Variants in PCDHGB6 observed in about 807,000 individuals in gnomAD.
PCDHGB6 encodes the protein protocadherin gamma-B6.
PCDHGB6 carries 51 observed loss-of-function variants against 59.1 expected under a neutral mutation model. The observed-to-expected ratio is 0.86, with a 90% CI of 0.69 to 1.09. The LOEUF is 1.09. Ranked by LOEUF, PCDHGB6 falls within the 50% of genes least tolerant of loss-of-function variation. The probability of loss-of-function intolerance (pLI) is 0.00; values close to 1 mark genes in which losing one functional copy is unlikely to be tolerated. For missense variants in PCDHGB6, 1,148 were observed against 1,205.1 expected (o/e 0.95, Z 0.70); for synonymous variants, 466 against 495.1 (o/e 0.94, Z 0.78).
chr5:141,474,289 T>C (rs11956411), intron 1 of PCDHGB6, among the ~76,000 whole-genome samples: 31,178 of 152,120 alleles, frequency 0.2, 3,304 homozygotes, highest in Admixed American at 0.31. Context: ...ACCCACTAGA[T>C]CAGTGCTTGT....
intron 1 of PCDHGB6, among the ~76,000 whole-genome samples, chr5:141,462,771 G>C (rs1295560657): frequency 6.6e-6 from 1 of 152,088 alleles, no homozygotes; most frequent in Non-Finnish European, 1.5e-5. Context: ...CTGGCTTGGG[G>C]TCATAATTTG....
At chr5:141,502,953 C>G (rs145774277) in intron 2 of PCDHGB6, among the ~76,000 whole-genome samples, 1,594 of 147,762 alleles carry the variant, frequency 0.011, 24 homozygotes, top group African/African-American at 0.037. Context: ...AAGCGATTCT[C>G]CTGCCTCAGC....
At chr5:141,445,751 G>A (rs1211416281) in intron 1 of PCDHGB6, among the ~76,000 whole-genome samples, 1 of 152,102 alleles carries the variant, frequency 6.6e-6, no homozygotes, top group East Asian at 1.9e-4. Context: ...AAAAATAAAA[G>A]GTGTGACTCA....
At position 141,491,154 on chromosome 5, in the gene PCDHGB6, C is replaced by T. The variant is rs773308291; in HGVS notation, c.2419-3653C>T. ...CAGCCCGGGCCTTACTGGAGGATGACTCTGACACCCAGCAGGTGGTGGTCC... is the reference window on the plus strand; with the variant it reads ...CAGCCCGGGCCTTACTGGAGGATGATTCTGACACCCAGCAGGTGGTGGTCC... On this transcript the variant is annotated intron_variant, in intron 1 of 3. Coordinates refer to ENST00000520790, the MANE Select transcript of PCDHGB6 (RefSeq NM_018926.3). The surrounding 1 kb of genome is among the most constrained non-coding windows in gnomAD (Gnocchi z 6.9). The T allele has an allele frequency of 6.2e-7, 1 of 1,614,162 alleles. No homozygotes were observed. The highest frequency in any genetic ancestry group is 1.7e-5 in the Admixed American group (1 of 60,026).
At position 141,408,579 on chromosome 5, in the gene PCDHGB6, T is replaced by G; in HGVS notation, c.377T>G (p.Val126Gly). ...IFHVIVVIEDVNDHAPQFDKK... is the reference protein window; with the variant it reads ...IFHVIVVIEDGNDHAPQFDKK... ...CATGTCATTGTGGTGATTGAGGATG[T>G]TAATGACCACGCCCCTCAATTTGAT... The change falls in exon 1 of 4, where the codon GTT (valine) becomes GGT (glycine). Residue 126 changes from valine to glycine, a missense_variant. Physicochemically the swap from Val to Gly is moderately radical, Grantham distance 109. Transcript: ENST00000520790. 6.2e-7 allele frequency: 1 copy of G among 1,614,026 alleles called. No homozygotes were observed. The highest frequency in any genetic ancestry group is 8.5e-7 in the Non-Finnish European group (1 of 1,179,898).
intron 1 of PCDHGB6, chr5:141,423,443 C>A: frequency 6.2e-7 from 1 of 1,613,998 alleles, no homozygotes; most frequent in Non-Finnish European, 8.5e-7. Flanking sequence ...ATGCCCACGT[C>A]ACATTTTGTA....
At chr5:141,450,986 G>A (rs950903600) in intron 1 of PCDHGB6, among the ~76,000 whole-genome samples, 15 of 151,310 alleles carry the variant, frequency 9.9e-5, no homozygotes, top group Non-Finnish European at 1.3e-4. Context: ...CACCACACCC[G>A]GCTAATTTTT....
chr5:141,413,570 A>G, intron 1 of PCDHGB6: 1 of 1,613,930 alleles, frequency 6.2e-7, no homozygotes, highest in Non-Finnish European at 8.5e-7. Context: ...GATATCAATG[A>G]CAATGCTCCA....
At chr5:141,465,730 T>G (rs1373873081) in intron 1 of PCDHGB6, among the ~76,000 whole-genome samples, 2 of 152,186 alleles carry the variant, frequency 1.3e-5, no homozygotes, top group Non-Finnish European at 2.9e-5. Context: ...CCTCTTGTGC[T>G]TTGTTTTCAG....
Position 141,477,464 on chromosome 5 carries a change from A to G in PCDHGB6, c.2419-17343A>G. The G allele has an allele frequency of 1.2e-6, 2 of 1,614,188 alleles. No homozygotes were observed. The highest frequency in any genetic ancestry group is 1.7e-6 in the Non-Finnish European group (2 of 1,180,034). On this transcript the variant is annotated intron_variant, in intron 1 of 3. Coordinates refer to ENST00000520790, the MANE Select transcript of PCDHGB6 (RefSeq NM_018926.3). This position sits in a 1 kb window ranked among gnomAD's most constrained non-coding sequence, Gnocchi z 4.9. ...AATAGTGCGTGTTCAAGTGTCCGAC[A>G]TCAATGACAACCCTCCACAATCTTC...
intron 1 of PCDHGB6, chr5:141,418,462 C>G: frequency 1.2e-6 from 2 of 1,613,974 alleles, no homozygotes; most frequent in Non-Finnish European, 8.5e-7. Flanking sequence ...AGACTCTGGA[C>G]CGAGAAACGC....
intron 1 of PCDHGB6, among the ~76,000 whole-genome samples, chr5:141,469,803 A>G (rs1326367314): frequency 6.6e-6 from 1 of 152,174 alleles, no homozygotes; most frequent in Non-Finnish European, 1.5e-5. Context: ...TTGCAAAAAC[A>G]TTGTAGATAG....
chr5:141,421,680 G>A (rs2096591907), intron 1 of PCDHGB6: 5 of 1,613,758 alleles, frequency 3.1e-6, no homozygotes, highest in Non-Finnish European at 4.2e-6. Context: ...TTCCTGGGGC[G>A]CGATTTGCTC....
chr5:141,491,763 T>C lies in PCDHGB6; in HGVS notation c.2419-3044T>C. 1 of 1,570,222 alleles carries C rather than the reference T, an allele frequency of 6.4e-7. No homozygotes were observed. Among genetic ancestry groups the C allele is most frequent in the Non-Finnish European group, 8.6e-7 (1 of 1,159,286 alleles). Reference sequence around the variant, plus strand: ...GCGGCACTGGAGAAGCCGCCCGTCCTCATAAGGGATTGAACTTGCATCCAC... The same window carrying C: ...GCGGCACTGGAGAAGCCGCCCGTCCCCATAAGGGATTGAACTTGCATCCAC... On this transcript the variant is annotated intron_variant, in intron 1 of 3. Coordinates refer to ENST00000520790, the MANE Select transcript of PCDHGB6 (RefSeq NM_018926.3). The surrounding 1 kb of genome is among the most constrained non-coding windows in gnomAD (Gnocchi z 6.9).
intron 1 of PCDHGB6, chr5:141,417,858 C>T (rs561149517): frequency 6.5e-7 from 1 of 1,547,240 alleles, no homozygotes. Flanking sequence ...CCCGAGCGAA[C>T]GATGGGAGGG....
Position 141,476,461 on chromosome 5 carries a change from G to T in PCDHGB6, c.2419-18346G>T. On this transcript the variant is annotated intron_variant, in intron 1 of 3. Transcript: ENST00000520790. This position sits in a 1 kb window ranked among gnomAD's most constrained non-coding sequence, Gnocchi z 7.6. The stretch of plus-strand genomic sequence containing the variant: ...CTCTGGAGTTGGTAGTGGAGAACCC[G>T]CTGGAGCTGTTCAGCGTGGAAGTGG... The T allele has an allele frequency of 6.2e-7, 1 of 1,614,122 alleles. No homozygotes were observed. Among genetic ancestry groups the T allele is most frequent in the Non-Finnish European group, 8.5e-7 (1 of 1,180,022 alleles).
At chr5:141,474,361 T>C (rs2099347915) in intron 1 of PCDHGB6, among the ~76,000 whole-genome samples, 2 of 152,210 alleles carry the variant, frequency 1.3e-5, no homozygotes, top group South Asian at 2.1e-4. Context: ...CATGTCTCAG[T>C]AGGTCTAGAG....
chr5:141,426,676 A>T (rs1209949988), intron 1 of PCDHGB6: 4 of 431,700 alleles, frequency 9.3e-6, no homozygotes, highest in Non-Finnish European at 1.9e-5. Context: ...AACCCACCTC[A>T]TTTTCCCCAA....
rs774271747 is a variant in PCDHGB6 at position 141,485,866 on chromosome 5, C to A, written c.2419-8941C>A. On this transcript the variant is annotated intron_variant, in intron 1 of 3. Coordinates refer to ENST00000520790, the MANE Select transcript of PCDHGB6 (RefSeq NM_018926.3). The surrounding 1 kb of genome is among the most constrained non-coding windows in gnomAD (Gnocchi z 5.7). Reference sequence around the variant, plus strand: ...CTGGCACCGCAGAGCTCCGGGTATCCGTGCTGGACGTAAACGACAACGCCC... The same window carrying A: ...CTGGCACCGCAGAGCTCCGGGTATCAGTGCTGGACGTAAACGACAACGCCC... 2 of 1,614,144 alleles carry A rather than the reference C, an allele frequency of 1.2e-6. No homozygotes were observed. Among genetic ancestry groups the A allele is most frequent in the South Asian group, 1.1e-5 (1 of 91,074 alleles).
Sources: gnomAD v4.1 joint callset for allele counts (sites outside exome capture counted in the v4.1 genomes callset) on GRCh38, gnomAD v4.1.1 for gene constraint, Gnocchi (gnomAD v3.1) non-coding constraint, MANE v1.5 for transcripts, NCBI Gene and HGNC (gene_info 2026-07-23, HGNC 2026-07-21) for gene names.